The following CACNA2D3 variants were observed in gnomAD, a reference collection of about 807,000 sequenced individuals.
CACNA2D3 encodes the protein calcium voltage-gated channel auxiliary subunit alpha2delta 3.
In CACNA2D3, 60 loss-of-function variants were observed where a neutral mutation model predicts 160.6. That is an observed-to-expected ratio of 0.37 (90% CI 0.30 to 0.46). The LOEUF (loss-of-function observed/expected upper bound fraction) is 0.46, where lower values mean the gene tolerates loss of function less well. CACNA2D3 is among the 20% of genes least tolerant of loss of function. The pLI is 1.00. For synonymous variants in CACNA2D3, 558 were observed against 492.9 expected (o/e 1.13, Z -1.75); for missense variants, 1,205 against 1,365.0 (o/e 0.88, Z 1.85).
intron 4 of CACNA2D3, among the ~76,000 whole-genome samples, chr3:54,413,512 T>G (rs1261781215): frequency 1.3e-5 from 2 of 150,870 alleles, no homozygotes; most frequent in Non-Finnish European, 3.0e-5. Flanking sequence ...TAAATAATTA[T>G]TTCTTCAAAA....
chr3:54,899,704 T>G, intron 26 of CACNA2D3, 84 bp from the exon 27 acceptor site: 1 of 1,021,546 alleles, frequency 9.8e-7, no homozygotes, highest in Non-Finnish European at 1.5e-6. Flanking sequence ...GCAGAATTGG[T>G]GACTGTAGAC....
intron 2 of CACNA2D3, among the ~76,000 whole-genome samples, chr3:54,206,993 G>GCATA (rs1347969732): frequency 1.3e-5 from 2 of 152,164 alleles, no homozygotes; most frequent in African/African-American, 4.8e-5. Flanking sequence ...CCCTGACAGG[G>GCATA]CATACTCTGC....
chr3:54,342,217 C>T (rs1348265378), intron 3 of CACNA2D3, among the ~76,000 whole-genome samples: 1 of 152,076 alleles, frequency 6.6e-6, no homozygotes, highest in Non-Finnish European at 1.5e-5. Context: ...TAGTAGAATA[C>T]CATAGGCCAC....
At chr3:54,431,709 C>T (rs1406447785) in intron 4 of CACNA2D3, among the ~76,000 whole-genome samples, 5 of 152,188 alleles carry the variant, frequency 3.3e-5, no homozygotes, top group African/African-American at 9.6e-5. Context: ...ATCTCCTGGG[C>T]GGATTCTTGT....
intron 10 of CACNA2D3, among the ~76,000 whole-genome samples, chr3:54,640,055 A>G (rs1345191821): frequency 6.6e-6 from 1 of 152,088 alleles, no homozygotes; most frequent in Non-Finnish European, 1.5e-5. Flanking sequence ...CTGGCCATTT[A>G]CACTTCTTTT....
intron 11 of CACNA2D3, among the ~76,000 whole-genome samples, chr3:54,688,232 C>A (rs1471662790): frequency 6.6e-6 from 1 of 152,178 alleles, no homozygotes; most frequent in Non-Finnish European, 1.5e-5. Context: ...GTCAGATATT[C>A]ATTTTAAATG....
chr3:54,471,734 A>G (rs1287876222), intron 4 of CACNA2D3, among the ~76,000 whole-genome samples: 2 of 152,232 alleles, frequency 1.3e-5, no homozygotes, highest in Non-Finnish European at 2.9e-5. Context: ...CGCTGATCCC[A>G]CAGAAATATA....
At position 54,245,970 on chromosome 3, in the gene CACNA2D3, C is replaced by T. The variant is rs192465697; in HGVS notation, c.205-74472C>T. On this transcript the variant is annotated intron_variant, in intron 2 of 37. Coordinates refer to ENST00000474759, the MANE Select transcript of CACNA2D3 (RefSeq NM_018398.3). ...CCTCCCTAGGTGATGGGATTACAGG[C>T]GTGAGCGCCTGCATATCTACATTTT... Among the ~76,000 whole-genome samples the T allele has an allele frequency of 3.6e-3, 553 of 152,320 alleles. 6 individuals carry two copies. Among genetic ancestry groups the T allele is most frequent in the African/African-American group, 0.013 (523 of 41,570 alleles).
chr3:54,356,072 G>A (rs1217940629), intron 3 of CACNA2D3, among the ~76,000 whole-genome samples: 7 of 128,504 alleles, frequency 5.4e-5, no homozygotes, highest in African/African-American at 8.6e-5. Context: ...CCTGGCTGAC[G>A]TAATCTGTGA....
chr3:54,882,642 A>G (rs1286040779), intron 21 of CACNA2D3, among the ~76,000 whole-genome samples: 1 of 152,240 alleles, frequency 6.6e-6, no homozygotes, highest in East Asian at 1.9e-4. Flanking sequence ...CTCTGTAAAT[A>G]AAAAGACTGA....
In CACNA2D3 at chr3:54,978,338, G is replaced by A. The variant is rs137915655; in HGVS notation, c.2557-6270G>A. Among the ~76,000 whole-genome samples, 124 of 152,186 alleles carry A rather than the reference G, an allele frequency of 8.1e-4. 1 individual carries two copies. Among genetic ancestry groups the A allele is most frequent in the Middle Eastern group, 3.4e-3 (1 of 292 alleles). On this transcript the variant is annotated intron_variant, in intron 29 of 37. Coordinates refer to ENST00000474759, the MANE Select transcript of CACNA2D3 (RefSeq NM_018398.3). ...AACCCTTAATCCTAAGGGTTGCAGA[G>A]GGATAAAGATGCATCTTCTGTAACT...
chr3:54,672,708 T>G (rs1421031663), intron 11 of CACNA2D3, among the ~76,000 whole-genome samples: 1 of 152,180 alleles, frequency 6.6e-6, no homozygotes, highest in Non-Finnish European at 1.5e-5. Context: ...CACTTTCAAA[T>G]TAGGTGACCT....
At chr3:54,437,641 A>G (rs1700080731) in intron 4 of CACNA2D3, among the ~76,000 whole-genome samples, 1 of 152,250 alleles carries the variant, frequency 6.6e-6, no homozygotes, top group Non-Finnish European at 1.5e-5. Flanking sequence ...AAATCTTTTC[A>G]TAATGTCCAA....
At chr3:54,755,598 G>C (rs1701954920) in intron 12 of CACNA2D3, among the ~76,000 whole-genome samples, 1 of 152,088 alleles carries the variant, frequency 6.6e-6, no homozygotes, top group Admixed American at 6.5e-5. Flanking sequence ...TTGTCTCAGA[G>C]TTACACATTT....
At chr3:54,876,547 A>C (rs1699663341) in intron 18 of CACNA2D3, among the ~76,000 whole-genome samples, 1 of 152,182 alleles carries the variant, frequency 6.6e-6, no homozygotes, top group Non-Finnish European at 1.5e-5. Flanking sequence ...ATTTTTAAAA[A>C]CTCAGAAATA....
chr3:54,146,320 C>T (rs576526291), intron 2 of CACNA2D3, among the ~76,000 whole-genome samples: 20 of 152,324 alleles, frequency 1.3e-4, no homozygotes, highest in Admixed American at 1.2e-3. Flanking sequence ...GTGACCTTGG[C>T]CTCTAGTTCC....
chr3:54,492,475 CG>C lies in CACNA2D3; in HGVS notation c.382-11016del, dbSNP rs533680804. Among the ~76,000 whole-genome samples, 125 of 152,282 alleles carry C rather than the reference CG, an allele frequency of 8.2e-4. 1 individual carries two copies. Among genetic ancestry groups the C allele is most frequent in the African/African-American group, 2.9e-3 (121 of 41,580 alleles). On this transcript the variant is annotated intron_variant, in intron 4 of 37. Coordinates refer to ENST00000474759, the MANE Select transcript of CACNA2D3 (RefSeq NM_018398.3). ...AGGCCATAGGAGCCATTACTTATAG[CG>C]TGATCTTCCTCACCCTCTGAGCAGC...
At chr3:54,448,176 A>T (rs1019182175) in intron 4 of CACNA2D3, among the ~76,000 whole-genome samples, 1 of 152,140 alleles carries the variant, frequency 6.6e-6, no homozygotes, top group African/African-American at 2.4e-5. Context: ...ATCCTTCCAG[A>T]TCCAAGCCCA....
intron 25 of CACNA2D3, among the ~76,000 whole-genome samples, chr3:54,892,415 C>T (rs1209485591): frequency 1.3e-5 from 2 of 152,086 alleles, no homozygotes; most frequent in African/African-American, 4.8e-5. Flanking sequence ...TTTGCCTCTG[C>T]TAGGTGAGGC....
Sources: gnomAD v4.1 joint callset for allele counts (sites outside exome capture counted in the v4.1 genomes callset) on GRCh38, gnomAD v4.1.1 for gene constraint, MANE v1.5 for transcripts, NCBI Gene and HGNC (gene_info 2026-07-23, HGNC 2026-07-21) for gene names.